Variants in TM4SF20 observed in about 807,000 individuals in gnomAD.
TM4SF20 encodes transmembrane 4 L six family member 20, also known as transmembrane 4 L6 family member 20.
In TM4SF20, 13 loss-of-function variants were observed where a neutral mutation model predicts 15.1. The observed-to-expected ratio is 0.86, with a 90% CI of 0.56 to 1.36. The LOEUF (loss-of-function observed/expected upper bound fraction) is 1.36. Ranked by LOEUF, TM4SF20 falls within the 40% of genes most tolerant of loss-of-function variation. TM4SF20 has a pLI of 0.00. For synonymous variants in TM4SF20, 92 were observed against 96.6 expected (o/e 0.95, Z 0.28); for missense variants, 282 against 268.4 (o/e 1.05, Z -0.35).
intron 1 of TM4SF20, among the ~76,000 whole-genome samples, chr2:227,372,234 A>C (rs573144610): frequency 6.6e-6 from 1 of 152,242 alleles, no homozygotes; most frequent in East Asian, 1.9e-4. Flanking sequence ...CCTCATAATA[A>C]TCCTATGAGG....
At chr2:227,377,431 G>A (rs562736313) in intron 1 of TM4SF20, among the ~76,000 whole-genome samples, 1 of 152,316 alleles carries the variant, frequency 6.6e-6, no homozygotes, top group South Asian at 2.1e-4. Context: ...TCATGGCAGT[G>A]TGAAGAAATA....
rs185304830 is a variant in TM4SF20, at chr2:227,374,348, G to T, written c.184-3368C>A. On this transcript the variant is annotated intron_variant, in intron 1 of 3. Transcript: ENST00000304568. ...TTTGTAATGCTGTTACTGGTGATTT[G>T]ACAACTCGCTGCGGTTTCAACCGCT... Among the ~76,000 whole-genome samples the T allele has an allele frequency of 3.0e-3, 464 of 152,268 alleles. 2 individuals carry two copies. The highest frequency in any genetic ancestry group is 0.024 in the Middle Eastern group (7 of 294).
At chr2:227,374,941 A>AAG (rs201235503) in intron 1 of TM4SF20, among the ~76,000 whole-genome samples, 2 of 146,284 alleles carry the variant, frequency 1.4e-5, no homozygotes, top group African/African-American at 2.5e-5. Flanking sequence ...AAAAAAAAAA[A>AAG]TTTTGAGACA....
intron 1 of TM4SF20, 53 bp from the exon 2 acceptor site, chr2:227,371,033 A>G (rs985109035): frequency 1.4e-5 from 21 of 1,452,552 alleles, no homozygotes; most frequent in Non-Finnish European, 1.9e-5. Flanking sequence ...CATCAGAAGA[A>G]AAAATAGTAA....
Position 227,363,649 on chromosome 2 carries a change from A to G in TM4SF20, c.*75T>C. ...AAGGGTTGATTTTTTAAATCATCTC[A>G]AAGATGACTTTGAAAACAAGTGTAC... On this transcript the variant is annotated 3_prime_UTR_variant, in exon 4 of 4. Transcript: ENST00000304568. The G allele has an allele frequency of 6.9e-7, 1 of 1,453,170 alleles. No homozygotes were observed. The highest frequency in any genetic ancestry group is 1.3e-5 in the South Asian group (1 of 74,228). The allele number at this position is 1,453,170 out of a possible 1,614,324, so 90.0% of individuals were successfully genotyped here. A position where few individuals can be genotyped will look rare whatever the true frequency, so the allele number is the denominator to read the frequency against.
At chr2:227,370,208 G>A (rs12623672) in intron 2 of TM4SF20, among the ~76,000 whole-genome samples, 18,203 of 152,192 alleles carry the variant, frequency 0.12, 1,206 homozygotes, top group Middle Eastern at 0.16. Context: ...TAGCAAACCA[G>A]TCTGTCATTG....
intron 1 of TM4SF20, among the ~76,000 whole-genome samples, chr2:227,376,554 TA>T (rs2076451449): frequency 6.6e-6 from 1 of 152,196 alleles, no homozygotes; most frequent in Admixed American, 6.5e-5. Flanking sequence ...TAATACAGAA[TA>T]ATAGAGATAG....
intron 2 of TM4SF20, among the ~76,000 whole-genome samples, chr2:227,368,266 G>C (rs1006765694): frequency 2.7e-5 from 4 of 147,218 alleles, no homozygotes; most frequent in Non-Finnish European, 4.5e-5. Context: ...CTTGTGATCC[G>C]CCCGCCTCAG....
chr2:227,379,079 C>T lies in TM4SF20; in HGVS notation c.183+7G>A, dbSNP rs777466256. 2 of 1,612,526 alleles carry T rather than the reference C, an allele frequency of 1.2e-6. No homozygotes were observed. Among genetic ancestry groups the T allele is most frequent in the Non-Finnish European group, 1.7e-6 (2 of 1,179,418 alleles). On this transcript the variant is annotated splice_region_variant and intron_variant, in intron 1 of 3. Transcript: ENST00000304568. ...TCTTCACATCAAGTCAAATAAATAT[C>T]ACTCACCATCAGACCTGCTCCTATA...
rs748891185 is a variant in TM4SF20 at position 227,368,017 on chromosome 2, C to CTTTTTTTTTTTTTTTTTTTTT, written c.250-1774_250-1773insAAAAAAAAAAAAAAAAAAAAA. ...TGCCATGGTGTTTATTTTTAACCAT[C>CTTTTTTTTTTTTTTTTTTTTT]TATTTTTTTTTTTTTTTTTTTTTGG... is the stretch of plus-strand genomic sequence containing the variant. On this transcript the variant is annotated intron_variant, in intron 2 of 3. Transcript: ENST00000304568. Among the ~76,000 whole-genome samples, 3 of 116,696 alleles carry CTTTTTTTTTTTTTTTTTTTTT rather than the reference C, an allele frequency of 2.6e-5. 1 individual carries two copies. Among genetic ancestry groups the CTTTTTTTTTTTTTTTTTTTTT allele is most frequent in the Non-Finnish European group, 5.3e-5 (3 of 56,200 alleles). 76.6% of individuals were successfully genotyped at this position (116,696 alleles called of 152,430 possible).
chr2:227,370,994 C>T lies in TM4SF20; in HGVS notation c.184-14G>A. 1 of 1,611,432 alleles carries T rather than the reference C, an allele frequency of 6.2e-7. No homozygotes were observed. Among genetic ancestry groups the T allele is most frequent in the Non-Finnish European group, 8.5e-7 (1 of 1,177,654 alleles). ...TGCTGGAATGGCCTGGAAATGACAT[C>T]AACAGGAAAGATGAGTATTATAACT... On this transcript the variant is annotated splice_polypyrimidine_tract_variant and intron_variant, in intron 1 of 3. Transcript: ENST00000304568.
chr2:227,375,147 G>A (rs1002103189), intron 1 of TM4SF20, among the ~76,000 whole-genome samples: 3 of 151,734 alleles, frequency 2.0e-5, no homozygotes, highest in African/African-American at 4.8e-5. Context: ...GGCTGGTCTC[G>A]AACTCCTGCC....
chr2:227,362,563 CAT>C lies in TM4SF20; in HGVS notation c.*1159_*1160del, dbSNP rs747282240. ...AAGTGGAAAATTCCATACCTGACCT[CAT>C]GTGATGAGTTGCAGTCAAAATGCAG... On this transcript the variant is annotated 3_prime_UTR_variant, in exon 4 of 4. Transcript: ENST00000304568. The C allele has an allele frequency of 1.3e-5, 2 of 152,172 alleles. No homozygotes were observed. The highest frequency in any genetic ancestry group is 2.4e-5 in the African/African-American group (1 of 41,442). The allele number at this position is 152,172 out of a possible 1,614,324, so 9.4% of individuals were successfully genotyped here. A position where few individuals can be genotyped will look rare whatever the true frequency, so the allele number is the denominator to read the frequency against.
chr2:227,375,695 T>C (rs56411018), intron 1 of TM4SF20, among the ~76,000 whole-genome samples: 11,683 of 152,156 alleles, frequency 0.077, 490 homozygotes, highest in South Asian at 0.12. Flanking sequence ...TTCACCGTGT[T>C]AGCCAGGACG....
intron 1 of TM4SF20, among the ~76,000 whole-genome samples, chr2:227,375,051 C>G (rs570107837): frequency 6.6e-6 from 1 of 151,796 alleles, no homozygotes; most frequent in Admixed American, 6.6e-5. Flanking sequence ...CTCAGCCTCC[C>G]GAGTAGCTGG....
rs2076368138 is a variant in TM4SF20 at position 227,362,741 on chromosome 2, C to T, written c.*983G>A. 6.6e-6 allele frequency: 1 copy of T among 152,058 alleles called. No individual in the cohort carries two copies. The highest frequency in any genetic ancestry group is 1.5e-5 in the Non-Finnish European group (1 of 68,002). The allele number at this position is 152,058 out of a possible 1,614,324, so 9.4% of individuals were successfully genotyped here. On this transcript the variant is annotated 3_prime_UTR_variant, in exon 4 of 4. Transcript: ENST00000304568. The stretch of plus-strand genomic sequence containing the variant: ...ATGTCTCATTATTATAGGCAAAATT[C>T]CAAAATCCAAAAAAATGTGAAAGCC...
intron 2 of TM4SF20, 134 bp downstream of exon 2, chr2:227,370,781 T>C (rs2076416885): frequency 4.1e-6 from 3 of 730,966 alleles, no homozygotes; most frequent in Non-Finnish European, 7.3e-6. Flanking sequence ...AAAAATAGCA[T>C]GTTTCTAAGG....
intron 1 of TM4SF20, among the ~76,000 whole-genome samples, chr2:227,375,759 G>A (rs966604154): frequency 6.6e-6 from 1 of 152,120 alleles, no homozygotes; most frequent in Admixed American, 6.5e-5. Flanking sequence ...AAAGTGCTGG[G>A]ATTACAGACA....
intron 2 of TM4SF20, among the ~76,000 whole-genome samples, chr2:227,366,611 C>G (rs2106488942): frequency 6.6e-6 from 1 of 151,230 alleles, no homozygotes; most frequent in East Asian, 2.0e-4. Context: ...TGCCTGTGAT[C>G]CCAGCTACTT....
Sources: allele counts gnomAD v4.1 joint callset (sites outside exome capture counted in the v4.1 genomes callset), GRCh38; gene constraint gnomAD v4.1.1; transcripts MANE v1.5; gene names NCBI Gene and HGNC (gene_info 2026-07-23, HGNC 2026-07-21).